Variants in COL24A1 observed in about 807,000 individuals in gnomAD.
COL24A1 encodes collagen alpha-1(XXIV) chain.
COL24A1 carries 224 observed loss-of-function variants against 253.9 expected under a neutral mutation model. The ratio of observed to expected loss-of-function variants is 0.88; its 90% CI spans 0.79 to 0.99. The LOEUF (loss-of-function observed/expected upper bound fraction) is 0.99, where lower values mean the gene tolerates loss of function less well. COL24A1 is among the 50% of genes least tolerant of loss of function. The probability of loss-of-function intolerance (pLI) is 0.00; values close to 1 mark genes in which losing one functional copy is unlikely to be tolerated. For synonymous variants in COL24A1, 685 were observed against 673.7 expected (o/e 1.02, Z -0.26); for missense variants, 2,131 against 2,068.5 (o/e 1.03, Z -0.59).
chr1:86,113,056 G>A (rs1217329140), intron 4 of COL24A1, among the ~76,000 whole-genome samples: 1 of 152,122 alleles, frequency 6.6e-6, no homozygotes, highest in Admixed American at 6.5e-5. Flanking sequence ...TATTACTAGT[G>A]TAGCACTTAA....
At chr1:85,805,502 A>G (rs538493722) in intron 47 of COL24A1, among the ~76,000 whole-genome samples, 1 of 152,330 alleles carries the variant, frequency 6.6e-6, no homozygotes, top group Admixed American at 6.5e-5. Context: ...GAATAAAAAT[A>G]AGAATATAAA....
intron 45 of COL24A1, among the ~76,000 whole-genome samples, chr1:85,820,591 AC>A (rs1231004607): frequency 6.6e-6 from 1 of 152,194 alleles, no homozygotes; most frequent in East Asian, 1.9e-4. Flanking sequence ...ATGACTGAAG[AC>A]TAAACTTATT....
intron 24 of COL24A1, among the ~76,000 whole-genome samples, chr1:85,915,422 G>A (rs1310186817): frequency 6.6e-6 from 1 of 152,146 alleles, no homozygotes; most frequent in African/African-American, 2.4e-5. Flanking sequence ...CCTGTTTGTG[G>A]ATGGAAGACT....
At position 85,783,565 on chromosome 1, in the gene COL24A1, A is replaced by C; in HGVS notation, c.4222-7T>G. The C allele has an allele frequency of 6.2e-7, 1 of 1,612,288 alleles. No individual in the cohort carries two copies. Among genetic ancestry groups the C allele is most frequent in the South Asian group, 1.1e-5 (1 of 90,920 alleles). ...CAGCATCCCCTTCAGGACCCTAGACATACAATAAGAAACAAAAAGATAAAA... is the reference window on the plus strand; with the variant it reads ...CAGCATCCCCTTCAGGACCCTAGACCTACAATAAGAAACAAAAAGATAAAA... On this transcript the variant is annotated splice_region_variant and splice_polypyrimidine_tract_variant and intron_variant, in intron 50 of 59. Transcript: ENST00000370571.
At chr1:85,790,366 G>T (rs1361844820) in intron 47 of COL24A1, among the ~76,000 whole-genome samples, 1 of 151,952 alleles carries the variant, frequency 6.6e-6, no homozygotes. Flanking sequence ...TTCTCTGATG[G>T]TTGTTTGTAT....
chr1:85,864,742 C>G (rs1405024640), intron 37 of COL24A1, among the ~76,000 whole-genome samples: 1 of 152,106 alleles, frequency 6.6e-6, no homozygotes, highest in Admixed American at 6.6e-5. Flanking sequence ...TAATATCATA[C>G]CACCTTAAAC....
At chr1:85,899,970 AATG>A (rs1684113188) in intron 28 of COL24A1, among the ~76,000 whole-genome samples, 1 of 152,224 alleles carries the variant, frequency 6.6e-6, no homozygotes, top group Non-Finnish European at 1.5e-5. Flanking sequence ...GTTAAAAAGA[AATG>A]AGGTTAATCC....
chr1:86,037,464 T>A (rs1026919900), intron 12 of COL24A1, among the ~76,000 whole-genome samples: 29 of 152,322 alleles, frequency 1.9e-4, no homozygotes, highest in African/African-American at 6.7e-4. Context: ...TGGGTGACTC[T>A]GCAAACTCTG....
chr1:85,885,397 A>ATATATATATTTTT (rs60994639), intron 32 of COL24A1, among the ~76,000 whole-genome samples: 55 of 128,894 alleles, frequency 4.3e-4, no homozygotes, highest in African/African-American at 7.9e-4. Context: ...ATATATATAT[A>ATATATATATTTTT]TTTTTTTTTT....
intron 37 of COL24A1, among the ~76,000 whole-genome samples, chr1:85,863,573 C>G (rs1679415864): frequency 1.3e-5 from 2 of 152,170 alleles, no homozygotes; most frequent in South Asian, 4.1e-4. Context: ...AACTAAAGAG[C>G]TTCTGCACAG....
At chr1:85,836,884 G>T (rs1371514302) in intron 43 of COL24A1, among the ~76,000 whole-genome samples, 1 of 152,190 alleles carries the variant, frequency 6.6e-6, no homozygotes, top group African/African-American at 2.4e-5. Context: ...GAAAACGCCG[G>T]CAGGGCTTTT....
intron 7 of COL24A1, among the ~76,000 whole-genome samples, chr1:86,075,279 C>G (rs1170042639): frequency 6.6e-6 from 1 of 152,104 alleles, no homozygotes; most frequent in East Asian, 1.9e-4. Context: ...CACAAATAAA[C>G]TAGAAAATCT....
chr1:86,146,977 G>A (rs920967891), intron 1 of COL24A1, among the ~76,000 whole-genome samples: 2 of 152,116 alleles, frequency 1.3e-5, no homozygotes, highest in African/African-American at 4.8e-5. Flanking sequence ...ATTTTGAAGA[G>A]AGATGATAAG....
At position 85,926,665 on chromosome 1, in the gene COL24A1, C is replaced by G. The variant is rs927762537; in HGVS notation, c.2563-15232G>C. Among the ~76,000 whole-genome samples, 5 of 149,284 alleles carry G rather than the reference C, an allele frequency of 3.3e-5. No individual in the cohort carries two copies. The East Asian group carries it at 9.9e-4, about 30-fold the overall frequency. On this transcript the variant is annotated intron_variant, in intron 24 of 59. Transcript: ENST00000370571. ...GGGAACATCACACACGGGGGCCTGT[C>G]ATGGGGTGAGGGGCAGGGGGAGGGA...
At chr1:85,917,089 C>T (rs1278759949) in intron 24 of COL24A1, among the ~76,000 whole-genome samples, 2 of 152,168 alleles carry the variant, frequency 1.3e-5, no homozygotes, top group Admixed American at 6.6e-5. Flanking sequence ...AAAACCTCAA[C>T]ACCAGCTAAA....
intron 24 of COL24A1, among the ~76,000 whole-genome samples, chr1:85,958,797 TTCTA>T (rs1318587736): frequency 1.3e-5 from 2 of 152,154 alleles, no homozygotes; most frequent in East Asian, 3.8e-4. Context: ...CTAGATTTAC[TTCTA>T]AACATCTGAA....
At chr1:86,078,507 A>C (rs1462056094) in intron 7 of COL24A1, among the ~76,000 whole-genome samples, 3 of 152,192 alleles carry the variant, frequency 2.0e-5, no homozygotes, top group Non-Finnish European at 4.4e-5. Context: ...GAAAGGAAGA[A>C]GCTAAATTAT....
intron 37 of COL24A1, among the ~76,000 whole-genome samples, chr1:85,859,660 T>G (rs1678912336): frequency 6.6e-6 from 1 of 152,200 alleles, no homozygotes; most frequent in Non-Finnish European, 1.5e-5. Context: ...TTTTAGTGCT[T>G]TTCCTGAAAT....
intron 3 of COL24A1, among the ~76,000 whole-genome samples, chr1:86,123,608 G>T (rs1647744141): frequency 6.6e-6 from 1 of 151,952 alleles, no homozygotes; most frequent in African/African-American, 2.4e-5. Flanking sequence ...ATTTACAGAA[G>T]AGATTAATGC....
Sources: gnomAD v4.1 joint callset for allele counts (sites outside exome capture counted in the v4.1 genomes callset) on GRCh38, gnomAD v4.1.1 for gene constraint, MANE v1.5 for transcripts, NCBI Gene and HGNC (gene_info 2026-07-23, HGNC 2026-07-21) for gene names.